Variants in LRP1B observed in about 807,000 individuals in gnomAD.
The protein encoded by LRP1B is LDL receptor related protein 1B.
Under a neutral mutation model 556.6 loss-of-function variants are expected in LRP1B, and 217 were observed. The observed-to-expected ratio is 0.39, with a 90% CI of 0.35 to 0.44. The LOEUF (loss-of-function observed/expected upper bound fraction) is 0.44, where lower values mean the gene tolerates loss of function less well. Among genes scored for constraint, LRP1B ranks in the 20% least tolerant of loss-of-function variants. The pLI, the probability that LRP1B is intolerant of heterozygous loss-of-function variation, is 1.00. For synonymous variants in LRP1B, 2,047 were observed against 1,865.8 expected (o/e 1.10, Z -2.50); for missense variants, 5,053 against 5,620.8 (o/e 0.90, Z 3.23).
intron 2 of LRP1B, among the ~76,000 whole-genome samples, chr2:141,562,618 G>A (rs1272639661): frequency 7.1e-6 from 1 of 140,188 alleles, no homozygotes; most frequent in African/African-American, 2.6e-5. Context: ...GCACCTGCAA[G>A]GGTATTCCAG....
chr2:142,083,830 T>C (rs1341912024), intron 1 of LRP1B, among the ~76,000 whole-genome samples: 1 of 152,216 alleles, frequency 6.6e-6, no homozygotes, highest in Non-Finnish European at 1.5e-5. Context: ...CCAATTTAAA[T>C]CTGTTCTGCA....
rs140516971 is a variant in LRP1B at position 141,295,547 on chromosome 2, T to C, written c.344-40906A>G. Among the ~76,000 whole-genome samples the C allele has an allele frequency of 2.1e-3, 327 of 152,264 alleles. 1 individual carries two copies. The highest frequency in any genetic ancestry group is 7.3e-3 in the African/African-American group (303 of 41,556). ...GCAATTGCTTAGTGTCTCCTTGACA[T>C]CTCTTTAGCATTTGTTTCCTCTGAT... On this transcript the variant is annotated intron_variant, in intron 3 of 90. Coordinates refer to ENST00000389484, the MANE Select transcript of LRP1B (RefSeq NM_018557.3).
chr2:141,189,687 C>G (rs1378556673), intron 6 of LRP1B, among the ~76,000 whole-genome samples: 1 of 151,896 alleles, frequency 6.6e-6, no homozygotes, highest in African/African-American at 2.4e-5. Flanking sequence ...ATAAAGTAAC[C>G]ACTAGCCAAA....
chr2:141,618,139 C>G (rs921540071), intron 2 of LRP1B, among the ~76,000 whole-genome samples: 1 of 152,104 alleles, frequency 6.6e-6, no homozygotes, highest in African/African-American at 2.4e-5. Context: ...GGAGAAAGAA[C>G]TTGCCCTTAA....
intron 1 of LRP1B, among the ~76,000 whole-genome samples, chr2:141,823,321 T>C (rs1401471615): frequency 6.6e-6 from 1 of 152,162 alleles, no homozygotes; most frequent in Non-Finnish European, 1.5e-5. Flanking sequence ...GCCATAGCCA[T>C]CTTGGGAGCA....
chr2:140,793,267 C>T (rs1015214933), intron 32 of LRP1B, among the ~76,000 whole-genome samples: 11 of 151,904 alleles, frequency 7.2e-5, no homozygotes, highest in African/African-American at 2.7e-4. Flanking sequence ...ATGACTTCGA[C>T]TTTGATTTTG....
Position 140,475,312 on chromosome 2 carries a change from C to A in LRP1B, c.9451G>T (p.Glu3151Ter), listed in dbSNP as rs1687927979. 6.2e-7 allele frequency: 1 copy of A among 1,605,762 alleles called. No homozygotes were observed. The highest frequency in any genetic ancestry group is 8.5e-7 in the Non-Finnish European group (1 of 1,175,174). The stretch of plus-strand genomic sequence containing the variant: ...CCAACACGGCCAATATGAGGATACT[C>A]GCAGCAGTCAATCCAATACAAATAT... ...AGYLYWIDCC[E>*]YPHIGRVGMD... Residue 3151 changes from glutamate to a stop codon, truncating the protein, a stop_gained, in exon 60 of 91, where the codon GAG becomes TAG. Coordinates refer to ENST00000389484, the MANE Select transcript of LRP1B (RefSeq NM_018557.3). LOFTEE classifies it high-confidence loss of function.
intron 7 of LRP1B, among the ~76,000 whole-genome samples, chr2:141,122,837 C>G (rs188651401): frequency 0.04 from 6,056 of 152,188 alleles, 170 homozygotes; most frequent in African/African-American, 0.079. Context: ...ATAGCAAAGA[C>G]TTGGAACCAA....
intron 43 of LRP1B, among the ~76,000 whole-genome samples, chr2:140,596,097 A>G (rs1413565256): frequency 6.6e-6 from 1 of 152,202 alleles, no homozygotes; most frequent in Admixed American, 6.5e-5. Context: ...AAATTCTTAT[A>G]TAACAGGCCA....
At chr2:141,877,185 G>C (rs957257337) in intron 1 of LRP1B, among the ~76,000 whole-genome samples, 1 of 151,944 alleles carries the variant, frequency 6.6e-6, no homozygotes, top group African/African-American at 2.4e-5. Context: ...ATGTTATAGA[G>C]TGTTAAACAT....
At chr2:141,997,444 TACACACACAC>T (rs148682019) in intron 1 of LRP1B, among the ~76,000 whole-genome samples, 23 of 137,222 alleles carry the variant, frequency 1.7e-4, no homozygotes, top group East Asian at 1.3e-3. Flanking sequence ...TGTGTGTATA[TACACACACAC>T]ACACACACAC....
At chr2:140,381,868 A>G (rs1229522885) in intron 67 of LRP1B, among the ~76,000 whole-genome samples, 63 of 124,770 alleles carry the variant, frequency 5.0e-4, no homozygotes, top group East Asian at 2.4e-3. Flanking sequence ...TTTCAAAAAA[A>G]AAAAAAAAAA....
intron 84 of LRP1B, among the ~76,000 whole-genome samples, chr2:140,282,354 A>G (rs1360771269): frequency 6.6e-6 from 1 of 151,784 alleles, no homozygotes; most frequent in East Asian, 1.9e-4. Context: ...TTTATAGATA[A>G]ATAAACTGAT....
At chr2:140,321,000 G>T (rs538930721) in intron 82 of LRP1B, among the ~76,000 whole-genome samples, 58 of 152,170 alleles carry the variant, frequency 3.8e-4, no homozygotes, top group African/African-American at 1.4e-3. Context: ...AGGTTGCAGT[G>T]AGCCGAGATC....
At chr2:141,318,896 T>C (rs1342736220) in intron 3 of LRP1B, among the ~76,000 whole-genome samples, 1 of 152,116 alleles carries the variant, frequency 6.6e-6, no homozygotes, top group African/African-American at 2.4e-5. Context: ...ATTTAAAAAC[T>C]AGATCACTGG....
chr2:142,113,510 A>C (rs566203512), intron 1 of LRP1B, among the ~76,000 whole-genome samples: 1 of 150,706 alleles, frequency 6.6e-6, no homozygotes, highest in South Asian at 2.1e-4. Context: ...TGTAGCTTCA[A>C]AGTTAGGAGA....
At chr2:141,268,985 C>A (rs1373915676) in intron 3 of LRP1B, among the ~76,000 whole-genome samples, 1 of 152,150 alleles carries the variant, frequency 6.6e-6, no homozygotes, top group African/African-American at 2.4e-5. Context: ...TCATACTCAG[C>A]ATGACACTTG....
At chr2:141,378,218 G>A (rs1405744178) in intron 3 of LRP1B, among the ~76,000 whole-genome samples, 2 of 152,176 alleles carry the variant, frequency 1.3e-5, no homozygotes, top group African/African-American at 2.4e-5. Context: ...TTTGAAGCCT[G>A]TGAAGAAACA....
chr2:141,651,598 G>A (rs1689795335), intron 2 of LRP1B, among the ~76,000 whole-genome samples: 1 of 152,312 alleles, frequency 6.6e-6, no homozygotes, highest in South Asian at 2.1e-4. Context: ...CCGGGAGGTG[G>A]AGGTTGCAGT....
Sources: allele counts gnomAD v4.1 joint callset (sites outside exome capture counted in the v4.1 genomes callset), GRCh38; gene constraint gnomAD v4.1.1; transcripts MANE v1.5; gene names NCBI Gene and HGNC (gene_info 2026-07-23, HGNC 2026-07-21).